ADGRV1: variants seen among roughly 807,000 people sequenced by gnomAD.
The protein encoded by ADGRV1 is adhesion G protein-coupled receptor V1.
Under a neutral mutation model 596.2 loss-of-function variants are expected in ADGRV1, and 359 were observed. The observed-to-expected ratio is 0.60, with a 90% CI of 0.55 to 0.66. The LOEUF is 0.66. Among genes scored for constraint, ADGRV1 ranks in the 30% least tolerant of loss-of-function variants. The pLI is 0.00. For missense variants in ADGRV1, 7,274 were observed against 7,575.6 expected, an observed-to-expected ratio of 0.96 and a Z score of 1.48; for synonymous variants, 2,681 against 2,679.2, an observed-to-expected ratio of 1.00 and a Z score of -0.02.
Position 90,625,153 on chromosome 5 carries a change from T to A in ADGRV1, c.582T>A (p.Pro194=), listed in dbSNP as rs1463379512. 2 of 1,612,654 alleles carry A rather than the reference T, an allele frequency of 1.2e-6. No homozygotes were observed. The highest frequency in any genetic ancestry group is 2.2e-5 in the South Asian group (2 of 90,754). The change falls in exon 6 of 90, where the codon CCT becomes CCA. Residue 194 remains proline (P), a synonymous_variant. Transcript: ENST00000405460. The part of the protein sequence containing the change: ...TFEVEGGPNP[P]DEDLSPVKGN... ...AGGTAGAGGGTGGCCCAAATCCCCC[T>A]GATGAAGATTTGAGTCCAGTTAAAG...
intron 83 of ADGRV1, among the ~76,000 whole-genome samples, chr5:90,929,023 T>C (rs1446157599): frequency 2.7e-5 from 4 of 146,644 alleles, no homozygotes; most frequent in Admixed American, 2.0e-4. Context: ...GGAGAACCAC[T>C]GCTCTCTTCA....
At chr5:90,834,818 C>A (rs997086017) in intron 77 of ADGRV1, among the ~76,000 whole-genome samples, 64 of 151,700 alleles carry the variant, frequency 4.2e-4, no homozygotes, top group African/African-American at 1.5e-3. Flanking sequence ...ATCTTGTATG[C>A]ATGTTTCATT....
chr5:90,827,946 A>T (rs1764200393), intron 76 of ADGRV1, among the ~76,000 whole-genome samples: 1 of 152,220 alleles, frequency 6.6e-6, no homozygotes, highest in African/African-American at 2.4e-5. Context: ...GGTAAAAATG[A>T]TACATTATAT....
intron 84 of ADGRV1, among the ~76,000 whole-genome samples, chr5:90,974,725 T>C (rs537165598): frequency 1.2e-3 from 182 of 152,254 alleles, no homozygotes; most frequent in African/African-American, 4.2e-3. Context: ...ACTTAAATAT[T>C]AGACCTAAAA....
intron 19 of ADGRV1, among the ~76,000 whole-genome samples, chr5:90,652,976 T>C (rs1315692343): frequency 6.6e-6 from 1 of 152,206 alleles, no homozygotes; most frequent in African/African-American, 2.4e-5. Flanking sequence ...CCTTTCTAAT[T>C]CATATACTCT....
In ADGRV1 at chr5:90,926,559, T is replaced by G. The variant is rs200077596; in HGVS notation, c.17857-38856T>G. Among the ~76,000 whole-genome samples the G allele has an allele frequency of 1.9e-3, 295 of 152,070 alleles. 3 individuals are homozygous for G. In the East Asian group the frequency reaches 0.023, roughly 12 times the overall value. On this transcript the variant is annotated intron_variant, in intron 83 of 89. Coordinates refer to ENST00000405460, the MANE Select transcript of ADGRV1 (RefSeq NM_032119.4). The stretch of plus-strand genomic sequence containing the variant: ...ATTAGTCTTGCTAGCGGTCTATCAA[T>G]TTTGTTGATCCTTTCAAAAAACCAG...
chr5:91,148,041 T>A (rs1795704195), intron 87 of ADGRV1, among the ~76,000 whole-genome samples: 1 of 152,172 alleles, frequency 6.6e-6, no homozygotes, highest in Non-Finnish European at 1.5e-5. Flanking sequence ...TCCCTAGAAA[T>A]CTGTGGAACT....
intron 85 of ADGRV1, among the ~76,000 whole-genome samples, chr5:91,050,468 G>C (rs1352914226): frequency 6.6e-6 from 1 of 152,118 alleles, no homozygotes; most frequent in Non-Finnish European, 1.5e-5. Flanking sequence ...ATCAGGTATA[G>C]TATGTATTTA....
At chr5:90,897,723 G>T (rs186297468) in intron 83 of ADGRV1, among the ~76,000 whole-genome samples, 1 of 152,224 alleles carries the variant, frequency 6.6e-6, no homozygotes, top group East Asian at 1.9e-4. Context: ...CTATCGTTTT[G>T]CCTAGGAGGC....
chr5:91,127,649 A>G (rs1018659451), intron 87 of ADGRV1, among the ~76,000 whole-genome samples: 1 of 152,220 alleles, frequency 6.6e-6, no homozygotes, highest in East Asian at 1.9e-4. Context: ...AACAGTCCAT[A>G]TAATCATACA....
intron 84 of ADGRV1, among the ~76,000 whole-genome samples, chr5:90,971,742 A>G (rs1305890502): frequency 6.6e-6 from 1 of 152,236 alleles, no homozygotes; most frequent in African/African-American, 2.4e-5. Context: ...AGCCACTGCA[A>G]AAACATGACA....
intron 14 of ADGRV1, 94 bp downstream of exon 14, chr5:90,644,077 T>C: frequency 1.1e-6 from 1 of 898,346 alleles, no homozygotes; most frequent in Non-Finnish European, 1.6e-6. Flanking sequence ...TATTTCTAGT[T>C]GCTCACCCTG....
intron 14 of ADGRV1, 147 bp from the exon 15 acceptor site, chr5:90,644,559 T>C (rs1242477964): frequency 4.9e-6 from 3 of 610,956 alleles, no homozygotes; most frequent in Admixed American, 3.4e-5. Flanking sequence ...TTTTTATATG[T>C]ACCTTAAAAA....
Position 90,575,779 on chromosome 5 carries a change from G to A in ADGRV1, c.22+16862G>A, listed in dbSNP as rs61754941. 3.1e-3 allele frequency among the ~76,000 whole-genome samples: 477 copies of A among 152,200 alleles called. 5 individuals carry two copies. The highest frequency in any genetic ancestry group is 0.011 in the African/African-American group (466 of 41,524). ...ATTATTCCCAGAGGGCTTACATGGG[G>A]GCGGGTCATCCTGGTGAATTCTCAG... On this transcript the variant is annotated intron_variant, in intron 1 of 89. Transcript: ENST00000405460.
chr5:90,564,046 T>TA (rs1755217721), intron 1 of ADGRV1, among the ~76,000 whole-genome samples: 1 of 152,198 alleles, frequency 6.6e-6, no homozygotes, highest in Admixed American at 6.5e-5. Context: ...TATTTGGAGG[T>TA]AAAATAGTAC....
intron 82 of ADGRV1, among the ~76,000 whole-genome samples, chr5:90,856,328 TG>T (rs1767021128): frequency 6.6e-6 from 1 of 152,176 alleles, no homozygotes; most frequent in East Asian, 1.9e-4. Flanking sequence ...AGCTACCTCA[TG>T]GGTAGATTTT....
At chr5:90,599,017 G>T (rs1761064360) in intron 1 of ADGRV1, among the ~76,000 whole-genome samples, 1 of 152,126 alleles carries the variant, frequency 6.6e-6, no homozygotes. Flanking sequence ...CTTTAAGAAT[G>T]AGAAAAGAAG....
Position 90,807,730 on chromosome 5 carries a change from C to T in ADGRV1, c.14965C>T (p.Gln4989Ter), listed in dbSNP as rs751136034. ...GVQSSAPGGAQLRSGFIVAEI... is the reference protein window; with the variant it reads ...GVQSSAPGGA ...GCAGAGCAGTGCTCCTGGCGGAGCT[C>T]AACTCCGGTAAGACCAACCTCATTC... The change falls in exon 73 of 90, where the codon CAA becomes TAA. Residue 4989 changes from glutamine (Q) to a stop codon, truncating the protein, a stop_gained. Coordinates refer to ENST00000405460, the MANE Select transcript of ADGRV1 (RefSeq NM_032119.4). LOFTEE classifies it high-confidence loss of function. 2.6e-6 allele frequency: 4 copies of T among 1,553,264 alleles called. No individual in the cohort carries two copies. Among genetic ancestry groups the T allele is most frequent in the African/African-American group, 1.4e-5 (1 of 73,252 alleles).
At chr5:90,796,615 A>G (rs1422106543) in intron 70 of ADGRV1, among the ~76,000 whole-genome samples, 1 of 152,200 alleles carries the variant, frequency 6.6e-6, no homozygotes, top group Non-Finnish European at 1.5e-5. Context: ...TCCAGGAAAT[A>G]CAGAGTACAC....
Sources: gnomAD v4.1 joint callset for allele counts (sites outside exome capture counted in the v4.1 genomes callset) on GRCh38, gnomAD v4.1.1 for gene constraint, MANE v1.5 for transcripts, NCBI Gene and HGNC (gene_info 2026-07-23, HGNC 2026-07-21) for gene names.